Variants in UNC5D observed in about 807,000 individuals in gnomAD.
UNC5D encodes the protein unc-5 netrin receptor D.
Under a neutral mutation model 105.4 loss-of-function variants are expected in UNC5D, and 39 were observed. That is an observed-to-expected ratio of 0.37 (90% CI 0.29 to 0.48). The LOEUF is 0.48. Among genes scored for constraint, UNC5D ranks in the 20% least tolerant of loss-of-function variants. The pLI is 0.98. For missense variants in UNC5D, 991 were observed against 1,202.4 expected, an observed-to-expected ratio of 0.82 and a Z score of 2.60; for synonymous variants, 452 against 450.4, an observed-to-expected ratio of 1.00 and a Z score of -0.04.
At chr8:35,735,693 A>G (rs1334772317) in intron 11 of UNC5D, among the ~76,000 whole-genome samples, 1 of 152,248 alleles carries the variant, frequency 6.6e-6, no homozygotes, top group African/African-American at 2.4e-5. Flanking sequence ...AGAAGAAAGG[A>G]TAGAATTTCA....
intron 13 of UNC5D, among the ~76,000 whole-genome samples, chr8:35,756,119 T>G (rs1276818387): frequency 6.6e-6 from 1 of 152,318 alleles, no homozygotes; most frequent in East Asian, 1.9e-4. Context: ...CTTTACAAAT[T>G]TATAAATACA....
At chr8:35,381,853 C>T (rs928973475) in intron 1 of UNC5D, among the ~76,000 whole-genome samples, 2 of 152,170 alleles carry the variant, frequency 1.3e-5, no homozygotes, top group African/African-American at 4.8e-5. Context: ...GGTGCCTCCT[C>T]TCCTTTTCAT....
intron 1 of UNC5D, among the ~76,000 whole-genome samples, chr8:35,259,645 C>T (rs538395589): frequency 1.3e-5 from 2 of 152,138 alleles, no homozygotes; most frequent in East Asian, 3.9e-4. Context: ...TGCTCTTTAG[C>T]ACTTTTACCC....
chr8:35,358,044 G>A (rs1253722463), intron 1 of UNC5D, among the ~76,000 whole-genome samples: 1 of 151,976 alleles, frequency 6.6e-6, no homozygotes, highest in Non-Finnish European at 1.5e-5. Context: ...TGGAGCACTG[G>A]GAAAATTTTC....
At chr8:35,604,316 TG>T in intron 4 of UNC5D, among the ~76,000 whole-genome samples, 1 of 152,340 alleles carries the variant, frequency 6.6e-6, no homozygotes, top group East Asian at 1.9e-4. Context: ...TTAGTTTGGC[TG>T]GATATGAAAT....
chr8:35,237,038 A>G (rs1478398388), intron 1 of UNC5D, among the ~76,000 whole-genome samples: 3 of 151,984 alleles, frequency 2.0e-5, no homozygotes, highest in Admixed American at 6.6e-5. Context: ...AAAAGAACCA[A>G]TGTTATCTCA....
intron 7 of UNC5D, among the ~76,000 whole-genome samples, chr8:35,705,081 C>T (rs1478701505): frequency 6.6e-6 from 1 of 151,492 alleles, no homozygotes; most frequent in Non-Finnish European, 1.5e-5. Context: ...TCTCCTGCCT[C>T]AGCCTCCCGC....
chr8:35,252,084 C>T (rs999033907), intron 1 of UNC5D, among the ~76,000 whole-genome samples: 6 of 144,818 alleles, frequency 4.1e-5, no homozygotes, highest in East Asian at 2.1e-4. Flanking sequence ...TGCAGTGGCG[C>T]GATCCCGACT....
chr8:35,289,571 A>T (rs1364464108), intron 1 of UNC5D, among the ~76,000 whole-genome samples: 2 of 152,206 alleles, frequency 1.3e-5, no homozygotes, highest in Non-Finnish European at 2.9e-5. Context: ...ATGCATATGG[A>T]ACACTCTCCA....
chr8:35,693,225 A>G (rs1036854098), intron 7 of UNC5D, among the ~76,000 whole-genome samples: 1 of 152,096 alleles, frequency 6.6e-6, no homozygotes, highest in African/African-American at 2.4e-5. Context: ...TAAAACTGTC[A>G]TTTTTGTGCC....
chr8:35,684,931 G>A lies in UNC5D; in HGVS notation c.919+182G>A, dbSNP rs73583021. Among the ~76,000 whole-genome samples, 531 of 152,228 alleles carry A rather than the reference G, an allele frequency of 3.5e-3. 5 individuals carry two copies. The highest frequency in any genetic ancestry group is 0.012 in the African/African-American group (509 of 41,548). On this transcript the variant is annotated intron_variant, in intron 6 of 16. Transcript: ENST00000404895. ...GGCAGCAACATGGGTGAAATACCAC[G>A]GTGCAATGTTTTGGGGCATATTTTT...
intron 4 of UNC5D, among the ~76,000 whole-genome samples, chr8:35,646,633 G>A (rs1461356811): frequency 6.6e-6 from 1 of 151,950 alleles, no homozygotes; most frequent in Non-Finnish European, 1.5e-5. Context: ...CTCTCCCTAT[G>A]CTCCAGACAC....
intron 1 of UNC5D, among the ~76,000 whole-genome samples, chr8:35,270,857 T>C (rs535841350): frequency 1.0e-5 from 1 of 98,608 alleles, no homozygotes; most frequent in South Asian, 5.0e-4. Context: ...TCACTGTACT[T>C]GTGGCTGCAA....
intron 4 of UNC5D, among the ~76,000 whole-genome samples, chr8:35,673,235 A>C (rs1489127612): frequency 1.3e-5 from 2 of 152,194 alleles, no homozygotes; most frequent in African/African-American, 2.4e-5. Flanking sequence ...ATAACTTGAA[A>C]GAAATATTAT....
intron 1 of UNC5D, among the ~76,000 whole-genome samples, chr8:35,385,720 C>T (rs1803351484): frequency 6.6e-6 from 1 of 152,098 alleles, no homozygotes; most frequent in Admixed American, 6.5e-5. Context: ...CTGCCTCGGC[C>T]TCCCACAGTG....
At chr8:35,260,835 A>G (rs1213690916) in intron 1 of UNC5D, among the ~76,000 whole-genome samples, 1 of 152,190 alleles carries the variant, frequency 6.6e-6, no homozygotes, top group Admixed American at 6.5e-5. Flanking sequence ...TTTTTTGGGT[A>G]TCCCAGTGGT....
chr8:35,583,293 T>C (rs1416159626), intron 3 of UNC5D, among the ~76,000 whole-genome samples: 1 of 152,082 alleles, frequency 6.6e-6, no homozygotes, highest in Non-Finnish European at 1.5e-5. Flanking sequence ...TTTTAAGCTG[T>C]AGTTAGCTAT....
intron 4 of UNC5D, among the ~76,000 whole-genome samples, chr8:35,646,234 G>A (rs578197695): frequency 3.5e-4 from 53 of 152,202 alleles, no homozygotes; most frequent in African/African-American, 1.3e-3. Context: ...TAGGTGATAG[G>A]TGAGGTGGAA....
chr8:35,444,985 T>C (rs948778719), intron 1 of UNC5D, among the ~76,000 whole-genome samples: 7 of 152,070 alleles, frequency 4.6e-5, no homozygotes, highest in African/African-American at 1.2e-4. Context: ...GATGATAAAC[T>C]ATAGCATCAC....
Sources: allele counts gnomAD v4.1 joint callset (sites outside exome capture counted in the v4.1 genomes callset), GRCh38; gene constraint gnomAD v4.1.1; transcripts MANE v1.5; gene names NCBI Gene and HGNC (gene_info 2026-07-23, HGNC 2026-07-21).